The following GGTA1 variants were observed in gnomAD, a reference collection of about 807,000 sequenced individuals.
The protein encoded by GGTA1 is glycoprotein alpha-galactosyltransferase 1 (inactive), also known as inactive N-acetyllactosaminide alpha-1,3-galactosyltransferase.
A neutral mutation model predicts 2.6 loss-of-function variants in GGTA1; 5 were observed. The observed-to-expected ratio is 1.92, with a 90% confidence interval of 1.00 to 4.04. GGTA1 has a LOEUF of 4.04. Among genes scored for constraint, GGTA1 ranks in the 30% most tolerant of loss-of-function variants. The probability of loss-of-function intolerance (pLI) is 0.00; values close to 1 mark genes in which losing one functional copy is unlikely to be tolerated. For synonymous variants in GGTA1, 17 were observed against 5.0 expected, an observed-to-expected ratio of 3.38 and a Z score of -3.19; for missense variants, 50 against 16.7, an observed-to-expected ratio of 2.99 and a Z score of -3.47.
chr9:121,496,110 C>T (rs1334654889), intron 1 of GGTA1, among the ~76,000 whole-genome samples: 1 of 152,190 alleles, frequency 6.6e-6, no homozygotes, highest in African/African-American at 2.4e-5. Flanking sequence ...CTCACAACTC[C>T]TTATCATGGC....
chr9:121,472,672 G>A (rs2118709484), intron 1 of GGTA1, among the ~76,000 whole-genome samples: 1 of 152,232 alleles, frequency 6.6e-6, no homozygotes, highest in Non-Finnish European at 1.5e-5. Flanking sequence ...GATTCTCTTT[G>A]ATCAAGCCTC....
At chr9:121,496,633 G>A (rs921365213) in intron 1 of GGTA1, among the ~76,000 whole-genome samples, 1 of 90,572 alleles carries the variant, frequency 1.1e-5, no homozygotes, top group African/African-American at 3.2e-5. Flanking sequence ...TCAGGAGGCT[G>A]AGGCAGGAGA....
At chr9:121,457,813 G>A (rs914949927) in intron 5 of GGTA1, among the ~76,000 whole-genome samples, 2 of 151,806 alleles carry the variant, frequency 1.3e-5, no homozygotes, top group African/African-American at 2.4e-5. Context: ...CTCGGGAGAC[G>A]GTCACAAATG....
At position 121,491,261 on chromosome 9, in the gene GGTA1, G is replaced by A. The variant is rs1348238003; in HGVS notation, c.-10+8389C>T. On this transcript the variant is annotated intron_variant, in intron 1 of 5. Transcript: ENST00000481799. ...CCAGAGGACAGCTGGCCTGCCACTT[G>A]AGGACTCATGGTTTCCCTGGGGCAG... 1.6e-4 allele frequency among the ~76,000 whole-genome samples: 25 copies of A among 152,212 alleles called. 1 individual carries two copies. The highest frequency in any genetic ancestry group is 1.6e-3 in the Admixed American group (25 of 15,290).
intron 5 of GGTA1, among the ~76,000 whole-genome samples, chr9:121,458,495 C>T (rs139876965): frequency 2.6e-5 from 4 of 151,736 alleles, no homozygotes; most frequent in Admixed American, 6.6e-5. Context: ...GGCGTGGTGG[C>T]GCATGCCTGT....
intron 1 of GGTA1, among the ~76,000 whole-genome samples, chr9:121,486,553 C>G (rs947157): frequency 0.93 from 141,862 of 152,290 alleles, 66,492 homozygotes; most frequent in Non-Finnish European, 0.99. Context: ...GGGCTGCACA[C>G]GGGGCTGGCT....
intron 1 of GGTA1, among the ~76,000 whole-genome samples, chr9:121,487,899 A>G (rs1248833513): frequency 6.6e-6 from 1 of 152,038 alleles, no homozygotes; most frequent in Non-Finnish European, 1.5e-5. Flanking sequence ...TATTTTTAGC[A>G]GAGATGGTGT....
chr9:121,450,053 G>T (rs185334474), downstream of GGTA1, among the ~76,000 whole-genome samples: 1 of 152,142 alleles, frequency 6.6e-6, no homozygotes, highest in Admixed American at 6.6e-5. Context: ...GCCAATCATG[G>T]TGTTTTGTGA....
intron 1 of GGTA1, among the ~76,000 whole-genome samples, chr9:121,498,729 A>G (rs904312640): frequency 6.6e-6 from 1 of 151,634 alleles, no homozygotes; most frequent in Non-Finnish European, 1.5e-5. Flanking sequence ...AAGCCTCAAA[A>G]CACCTGCCTC....
At chr9:121,483,732 C>A (rs767426458) in intron 1 of GGTA1, among the ~76,000 whole-genome samples, 5 of 152,310 alleles carry the variant, frequency 3.3e-5, no homozygotes, top group Non-Finnish European at 7.3e-5. Flanking sequence ...GTTGTAGAGG[C>A]AGCTGCAGAC....
intron 1 of GGTA1, among the ~76,000 whole-genome samples, chr9:121,498,566 G>A (rs1348817137): frequency 1.3e-5 from 2 of 152,210 alleles, no homozygotes; most frequent in Non-Finnish European, 2.9e-5. Flanking sequence ...GGAAACTGAG[G>A]CTCTGTCTGG....
chr9:121,462,930 T>C (rs146832428), intron 3 of GGTA1: 6 of 156,192 alleles, frequency 3.8e-5, no homozygotes, highest in African/African-American at 1.4e-4. Context: ...GGCTCAAATT[T>C]TTTTCCTGAT....
At chr9:121,471,935 T>C (rs750777639) in intron 1 of GGTA1, among the ~76,000 whole-genome samples, 34 of 152,230 alleles carry the variant, frequency 2.2e-4, no homozygotes, top group Non-Finnish European at 4.1e-4. Context: ...TCTGTGCCGA[T>C]GTCCTCACTT....
chr9:121,485,937 C>T (rs1004583710), intron 1 of GGTA1, among the ~76,000 whole-genome samples: 1 of 152,176 alleles, frequency 6.6e-6, no homozygotes, highest in Non-Finnish European at 1.5e-5. Flanking sequence ...AACAACAACA[C>T]CACCACCACC....
At chr9:121,454,088 G>T (rs373382775), downstream of GGTA1, among the ~76,000 whole-genome samples, 55 of 152,242 alleles carry the variant, frequency 3.6e-4, 1 homozygote, top group East Asian at 3.9e-3. Context: ...GCAGACAGGG[G>T]AAACACTTTC....
At chr9:121,454,176 T>A (rs1157177906), downstream of GGTA1, among the ~76,000 whole-genome samples, 1 of 152,242 alleles carries the variant, frequency 6.6e-6, no homozygotes, top group Non-Finnish European at 1.5e-5. Context: ...GCACCCCAGG[T>A]ACGCCTGCTG....
At chr9:121,457,885 T>C (rs1011781632) in intron 5 of GGTA1, among the ~76,000 whole-genome samples, 4 of 145,238 alleles carry the variant, frequency 2.8e-5, no homozygotes, top group Non-Finnish European at 6.0e-5. Flanking sequence ...TATACTGTGG[T>C]TTTAGGTAGT....
chr9:121,467,943 G>C lies in GGTA1; in HGVS notation c.-9-12C>G. ...TTCATTATTTTCTCCTAGGAAAAAAGAAGAGGGGAGAAAAAAAGAGAACAG... is the reference window on the plus strand; with the variant it reads ...TTCATTATTTTCTCCTAGGAAAAAACAAGAGGGGAGAAAAAAAGAGAACAG... On this transcript the variant is annotated splice_polypyrimidine_tract_variant and intron_variant, in intron 1 of 5. Transcript: ENST00000481799. 1 of 454,232 alleles carries C rather than the reference G, an allele frequency of 2.2e-6. No individual in the cohort carries two copies. Among genetic ancestry groups the C allele is most frequent in the African/African-American group, 2.0e-5 (1 of 50,026 alleles). 28.1% of individuals were successfully genotyped at this position (454,232 alleles called of 1,614,324 possible). A position where few individuals can be genotyped will look rare whatever the true frequency, so the allele number is the denominator to read the frequency against.
chr9:121,481,643 C>G (rs892203077), intron 1 of GGTA1, among the ~76,000 whole-genome samples: 8 of 140,728 alleles, frequency 5.7e-5, no homozygotes, highest in African/African-American at 2.2e-4. Flanking sequence ...GATTGCGCCA[C>G]TGCTCTCCAG....
Sources: allele counts gnomAD v4.1 joint callset (sites outside exome capture counted in the v4.1 genomes callset), GRCh38; gene constraint gnomAD v4.1.1; transcripts MANE v1.5; gene names NCBI Gene and HGNC (gene_info 2026-07-23, HGNC 2026-07-21).